The following B4GALT3 variants were observed in gnomAD, a reference collection of about 807,000 sequenced individuals.
B4GALT3 encodes beta-1,4-galactosyltransferase 3.
B4GALT3 carries 29 observed loss-of-function variants against 40.7 expected under a neutral mutation model. That is an observed-to-expected ratio of 0.71 (90% CI 0.53 to 0.97). The LOEUF is 0.97. B4GALT3 is among the 50% of genes least tolerant of loss of function. The pLI is 0.00. For missense variants in B4GALT3, 390 were observed against 522.3 expected, an observed-to-expected ratio of 0.75 and a Z score of 2.47; for synonymous variants, 182 against 203.9, an observed-to-expected ratio of 0.89 and a Z score of 0.92.
chr1:161,172,891 G>A (rs932833602), intron 6 of B4GALT3, among the ~76,000 whole-genome samples: 145 of 150,154 alleles, frequency 9.7e-4, no homozygotes, highest in African/African-American at 3.4e-3. Context: ...AAAAACGAAA[G>A]AAAGAAAAGA....
Position 161,176,570 on chromosome 1 carries a change from C to G in B4GALT3, c.-151G>C, listed in dbSNP as rs1239088608. The G allele has an allele frequency of 8.1e-6, 4 of 491,390 alleles. No homozygotes were observed. The highest frequency in any genetic ancestry group is 5.8e-5 in the African/African-American group (3 of 51,744). The allele number at this position is 491,390 out of a possible 1,614,324, so 30.4% of individuals were successfully genotyped here. ...TCCATCCAGCACTCCAGCAGCGAAT[C>G]TGGGACCAGCTGGAACAGAAGTGGT... On this transcript the variant is annotated 5_prime_UTR_variant, in exon 2 of 8. Coordinates refer to ENST00000319769, the MANE Select transcript of B4GALT3 (RefSeq NM_003779.4).
At chr1:161,172,891 GAAAGA>G (rs566012114) in intron 6 of B4GALT3, among the ~76,000 whole-genome samples, 22 of 150,162 alleles carry the variant, frequency 1.5e-4, no homozygotes, top group African/African-American at 3.4e-4. Flanking sequence ...AAAAACGAAA[GAAAGA>G]AAAGAAAAGG....
chr1:161,171,904 A>T lies in B4GALT3; in HGVS notation c.1094T>A (p.Phe365Tyr). The change falls in exon 8 of 8, where the codon TTC (phenylalanine) becomes TAC (tyrosine). Residue 365 changes from phenylalanine (F) to tyrosine (Y), a missense_variant. Transcript: ENST00000319769. ...CCGGCGTTGCAGCATCTCTTGACGG[A>T]AGGCTTGGGAGGAACCAGGTGGGTA... ...PRYPPGSSQA[F>Y]RQEMLQRRPP... The T allele has an allele frequency of 6.2e-7, 1 of 1,614,162 alleles. No individual in the cohort carries two copies. Among genetic ancestry groups the T allele is most frequent in the Non-Finnish European group, 8.5e-7 (1 of 1,180,018 alleles).
At chr1:161,177,250 C>T (rs923859414) in intron 1 of B4GALT3, 173 bp downstream of exon 1, 2 of 638,730 alleles carry the variant, frequency 3.1e-6, no homozygotes, top group African/African-American at 1.8e-5. Context: ...CAGTCTCTTG[C>T]TTTTGCCCTA....
In B4GALT3 at chr1:161,171,655, G is replaced by T; in HGVS notation, c.*161C>A. On this transcript the variant is annotated 3_prime_UTR_variant, in exon 8 of 8. Coordinates refer to ENST00000319769, the MANE Select transcript of B4GALT3 (RefSeq NM_003779.4). ...AGAGGGACCCCTCAGGTCTACAGGA[G>T]CCCAGCTCCAGTCCAGCAGTGAGGG... 9.9e-7 allele frequency: 1 copy of T among 1,010,000 alleles called. No individual in the cohort carries two copies. Among genetic ancestry groups the T allele is most frequent in the Non-Finnish European group, 1.4e-6 (1 of 701,842 alleles). 62.6% of individuals were successfully genotyped at this position (1,010,000 alleles called of 1,614,324 possible).
rs1662986946 is a variant in B4GALT3 at position 161,175,064 on chromosome 1, G to A, written c.418C>T (p.Leu140=). The A allele has an allele frequency of 1.2e-6, 2 of 1,614,130 alleles. No individual in the cohort carries two copies. Among genetic ancestry groups the A allele is most frequent in the Non-Finnish European group, 8.5e-7 (1 of 1,179,978 alleles). The stretch of plus-strand genomic sequence containing the variant: ...AAGGGGTGCAGGTGGTAGAGCAGCA[G>A]GCGCAGGTGGTGCTCCCGGGCACGA... ...PHRAREHHLR[L]LLYHLHPFLQ... The change falls in exon 4 of 8, where the codon CTG becomes TTG. Residue 140 remains leucine, a synonymous_variant. Coordinates refer to ENST00000319769, the MANE Select transcript of B4GALT3 (RefSeq NM_003779.4).
Position 161,171,610 on chromosome 1 carries a change from C to T in B4GALT3, c.*206G>A, listed in dbSNP as rs1214052867. 1.5e-6 allele frequency: 1 copy of T among 658,310 alleles called. No homozygotes were observed. The highest frequency in any genetic ancestry group is 1.8e-5 in the African/African-American group (1 of 54,874). 40.8% of individuals were successfully genotyped at this position (658,310 alleles called of 1,614,324 possible). A position where few individuals can be genotyped will look rare whatever the true frequency, so the allele number is the denominator to read the frequency against. The stretch of plus-strand genomic sequence containing the variant: ...GACATCAAGGATTCACAGTCATAAG[C>T]CCTACAGGAGACCCTAGAGAGAGGG... On this transcript the variant is annotated 3_prime_UTR_variant, in exon 8 of 8. Transcript: ENST00000319769.
chr1:161,176,769 C>T, intron 1 of B4GALT3, 190 bp from the exon 2 acceptor site: 1 of 1,249,380 alleles, frequency 8.0e-7, no homozygotes, highest in Non-Finnish European at 1.1e-6. Context: ...TCATACTTAA[C>T]CACCCCCGTA....
rs778993868 is a variant in B4GALT3 at position 161,175,133 on chromosome 1, C to A, written c.349G>T (p.Ala117Ser). The part of the protein sequence containing the change: ...RVEPGGRYRP[A>S]GCEPRSRTAI... ...GTTCGGGAGCGGGGCTCACAACCTGCAGGGCGGTACCGGCCCCCTGGTTCT... is the reference window on the plus strand; with the variant it reads ...GTTCGGGAGCGGGGCTCACAACCTGAAGGGCGGTACCGGCCCCCTGGTTCT... The change falls in exon 4 of 8, where the codon GCA becomes TCA. Residue 117 changes from alanine to serine, a missense_variant. By Grantham distance (99) the Ala-to-Ser change is moderately conservative (BLOSUM62 1). Coordinates refer to ENST00000319769, the MANE Select transcript of B4GALT3 (RefSeq NM_003779.4). 22 of 1,613,956 alleles carry A rather than the reference C, an allele frequency of 1.4e-5. No homozygotes were observed. The highest frequency in any genetic ancestry group is 1.9e-5 in the Non-Finnish European group (22 of 1,179,894).
intron 1 of B4GALT3, chr1:161,177,002 G>C: frequency 1.3e-6 from 2 of 1,536,034 alleles, no homozygotes; most frequent in Non-Finnish European, 1.7e-6. Flanking sequence ...CCTGGGGGCT[G>C]TAAGCGAACA....
chr1:161,174,935 T>G, intron 4 of B4GALT3, 58 bp downstream of exon 4: 1 of 1,548,930 alleles, frequency 6.5e-7, no homozygotes, highest in African/African-American at 1.4e-5. Flanking sequence ...TGAAGTGGCA[T>G]GTGCTTGAGG....
In B4GALT3 at chr1:161,171,454, GAATA is replaced by G. The variant is rs1379369667; in HGVS notation, c.*358_*361del. Reference sequence around the variant, plus strand: ...AACAACTTCCCGGGAACCATAAATAGAATAAATATTCACAGAGGTCCGAGGAGAA... The same window carrying G: ...AACAACTTCCCGGGAACCATAAATAGAATATTCACAGAGGTCCGAGGAGAA... On this transcript the variant is annotated 3_prime_UTR_variant, in exon 8 of 8. Coordinates refer to ENST00000319769, the MANE Select transcript of B4GALT3 (RefSeq NM_003779.4). 19 of 602,968 alleles carry G rather than the reference GAATA, an allele frequency of 3.2e-5. No individual in the cohort carries two copies. In the East Asian group the frequency reaches 3.8e-4, roughly 12 times the overall value. The allele number at this position is 602,968 out of a possible 1,614,324, so 37.4% of individuals were successfully genotyped here.
At chr1:161,176,224 G>A (rs76903710) in intron 2 of B4GALT3, 150 bp from the exon 3 acceptor site, 5 of 860,446 alleles carry the variant, frequency 5.8e-6, no homozygotes, top group South Asian at 3.5e-5. Context: ...GCACAGTCAC[G>A]CAAGGAAACA....
Position 161,171,713 on chromosome 1 carries a change from T to A in B4GALT3, c.*103A>T. The A allele has an allele frequency of 6.7e-7, 1 of 1,485,988 alleles. No homozygotes were observed. 92.1% of individuals were successfully genotyped at this position (1,485,988 alleles called of 1,614,324 possible). On this transcript the variant is annotated 3_prime_UTR_variant, in exon 8 of 8. Transcript: ENST00000319769. ...CCTACCCCCTAGCACGGCACCAGAG[T>A]TCAGTTCCCTCACATCCCTCTGAGA...
At chr1:161,175,263 G>A (rs1663072559) in intron 3 of B4GALT3, 35 bp from the exon 4 acceptor site, 2 of 1,574,384 alleles carry the variant, frequency 1.3e-6, no homozygotes, top group African/African-American at 1.4e-5. Context: ...AGGGATCAGA[G>A]GGGCAAAGAG....
At chr1:161,177,038 G>A (rs1351046819) in intron 1 of B4GALT3, 1 of 1,536,030 alleles carries the variant, frequency 6.5e-7, no homozygotes, top group Non-Finnish European at 8.7e-7. Context: ...GGAGAGTAGG[G>A]TGGGGGTGGC....
rs755304332 is a variant in B4GALT3 at position 161,175,829 on chromosome 1, G to T, written c.232C>A (p.Pro78Thr). The T allele has an allele frequency of 3.7e-6, 6 of 1,613,990 alleles. No homozygotes were observed. In the African/African-American group the frequency reaches 8.0e-5, roughly 22 times the overall value. The change falls in exon 3 of 8, where the codon CCA becomes ACA. Residue 78 changes from proline to threonine, a missense_variant. Physicochemically the swap from Pro to Thr is conservative, Grantham distance 38. Transcript: ENST00000319769. The stretch of plus-strand genomic sequence containing the variant: ...TTACCTAAGAGAGGAGATCGTTCTG[G>T]ACAGTAGGGCAGACCTTGAGGAGCT... ...PPAPQGLPYC[P>T]ERSPLLVGPV...
intron 6 of B4GALT3, among the ~76,000 whole-genome samples, chr1:161,172,918 T>C (rs1571461596): frequency 6.8e-6 from 1 of 146,094 alleles, no homozygotes; most frequent in African/African-American, 2.5e-5. Flanking sequence ...TAGAACCAGG[T>C]AATCAGGACC....
At position 161,171,317 on chromosome 1, in the gene B4GALT3, C is replaced by A; in HGVS notation, c.*499G>T. The stretch of plus-strand genomic sequence containing the variant: ...GCAGAAAGCAGGAGCAGATGCGAGA[C>A]AAAGTCCTTTATTAGAAAATATATC... On this transcript the variant is annotated 3_prime_UTR_variant, in exon 8 of 8. Transcript: ENST00000319769. 1 of 1,375,556 alleles carries A rather than the reference C, an allele frequency of 7.3e-7. No homozygotes were observed. The highest frequency in any genetic ancestry group is 1.2e-5 in the South Asian group (1 of 83,762). The allele number at this position is 1,375,556 out of a possible 1,614,324, so 85.2% of individuals were successfully genotyped here.
Sources: allele counts gnomAD v4.1 joint callset (sites outside exome capture counted in the v4.1 genomes callset), GRCh38; gene constraint gnomAD v4.1.1; transcripts MANE v1.5; gene names NCBI Gene and HGNC (gene_info 2026-07-23, HGNC 2026-07-21).